The following NUBPL variants were observed in gnomAD, a reference collection of about 807,000 sequenced individuals.
NUBPL encodes NUBP iron-sulfur cluster assembly factor, mitochondrial.
In NUBPL, 31 loss-of-function variants were observed where a neutral mutation model predicts 45.7. That is an observed-to-expected ratio of 0.68 (90% CI 0.51 to 0.92). The LOEUF is 0.92. NUBPL is among the 40% of genes least tolerant of loss of function. The pLI, the probability that NUBPL is intolerant of heterozygous loss-of-function variation, is 0.00. For missense variants in NUBPL, 401 were observed against 398.7 expected, an observed-to-expected ratio of 1.01 and a Z score of -0.05; for synonymous variants, 144 against 140.9, an observed-to-expected ratio of 1.02 and a Z score of -0.15.
chr14:31,800,066 C>T (rs1323068632), intron 7 of NUBPL, among the ~76,000 whole-genome samples: 3 of 152,152 alleles, frequency 2.0e-5, no homozygotes, highest in African/African-American at 7.2e-5. Flanking sequence ...AAACCACTTT[C>T]TTTGCTAATT....
intron 8 of NUBPL, among the ~76,000 whole-genome samples, chr14:31,833,334 A>G (rs1055768588): frequency 2.0e-5 from 3 of 151,846 alleles, no homozygotes; most frequent in African/African-American, 7.3e-5. Context: ...ATGTCAGTAC[A>G]CTCCAGCCTG....
chr14:31,739,663 C>G (rs1317349236), intron 6 of NUBPL, among the ~76,000 whole-genome samples: 1 of 152,152 alleles, frequency 6.6e-6, no homozygotes, highest in African/African-American at 2.4e-5. Flanking sequence ...ATTGACACAT[C>G]TTTATCACCC....
intron 6 of NUBPL, among the ~76,000 whole-genome samples, chr14:31,737,637 A>C (rs1274485201): frequency 6.6e-6 from 1 of 152,136 alleles, no homozygotes; most frequent in Non-Finnish European, 1.5e-5. Context: ...AAAAAAAATT[A>C]GCCGGGCATG....
chr14:31,809,083 T>TC (rs1566574251), intron 7 of NUBPL, among the ~76,000 whole-genome samples: 1 of 151,900 alleles, frequency 6.6e-6, no homozygotes, highest in Non-Finnish European at 1.5e-5. Flanking sequence ...ATTCTCTTTT[T>TC]TTGTTTTGTC....
intron 6 of NUBPL, among the ~76,000 whole-genome samples, chr14:31,740,323 A>G (rs2139997366): frequency 6.6e-6 from 1 of 152,290 alleles, no homozygotes; most frequent in Middle Eastern, 3.4e-3. Flanking sequence ...TGGTGGTGTC[A>G]GTATTCTGGA....
At chr14:31,787,734 A>C in intron 6 of NUBPL, 46 bp from the exon 7 acceptor site, 1 of 1,256,004 alleles carries the variant, frequency 8.0e-7, no homozygotes. Context: ...ATCACTATTC[A>C]ACATTGAATT....
chr14:31,704,626 G>T lies in NUBPL; in HGVS notation c.513+31052G>T, dbSNP rs568736145. On this transcript the variant is annotated intron_variant, in intron 6 of 10. Coordinates refer to ENST00000281081, the MANE Select transcript of NUBPL (RefSeq NM_025152.3). ...TGCTGTGAGCCAAGATCATGCCACT[G>T]CACTCCAGCTCTAGGCAACAAGAGC... Among the ~76,000 whole-genome samples, 18 of 151,918 alleles carry T rather than the reference G, an allele frequency of 1.2e-4. No individual in the cohort carries two copies. In the East Asian group the frequency reaches 2.1e-3, roughly 18 times the overall value.
intron 6 of NUBPL, among the ~76,000 whole-genome samples, chr14:31,675,000 G>A (rs966234043): frequency 6.6e-6 from 1 of 152,042 alleles, no homozygotes; most frequent in African/African-American, 2.4e-5. Flanking sequence ...AGCCCTGCTT[G>A]GTGGCGGGTG....
rs529203535 is a variant in NUBPL, at chr14:31,705,902, C to T, written c.513+32328C>T. On this transcript the variant is annotated intron_variant, in intron 6 of 10. Transcript: ENST00000281081. ...TGGCCATGCCCAGTGCAGGGCCTGC[C>T]GAGCCTGTGCTCACCTGGAACCCGC... Among the ~76,000 whole-genome samples, 140 of 152,274 alleles carry T rather than the reference C, an allele frequency of 9.2e-4. 1 individual carries two copies. Among genetic ancestry groups the T allele is most frequent in the Admixed American group, 1.6e-3 (24 of 15,302 alleles).
At position 31,793,830 on chromosome 14, in the gene NUBPL, T is replaced by TTTTA. The variant is rs992868777; in HGVS notation, c.607+5960_607+5961insATTT. 6.1e-5 allele frequency among the ~76,000 whole-genome samples: 8 copies of TTTTA among 131,632 alleles called. 1 individual carries two copies. Among genetic ancestry groups the TTTTA allele is most frequent in the African/African-American group, 1.6e-4 (4 of 24,816 alleles). The allele number at this position is 131,632 out of a possible 152,430, so 86.4% of individuals were successfully genotyped here. A position where few individuals can be genotyped will look rare whatever the true frequency, so the allele number is the denominator to read the frequency against. ...AGGATTTGTGCCCCCTTATCTTTCT[T>TTTTA]TTTTTTTTTTATTTTTTTTTTTATT... On this transcript the variant is annotated intron_variant, in intron 7 of 10. Coordinates refer to ENST00000281081, the MANE Select transcript of NUBPL (RefSeq NM_025152.3).
chr14:31,855,967 C>A (rs1407283791), intron 10 of NUBPL, among the ~76,000 whole-genome samples: 1 of 152,130 alleles, frequency 6.6e-6, no homozygotes, highest in African/African-American at 2.4e-5. Context: ...TAACACTTGG[C>A]AAATATTAAG....
intron 4 of NUBPL, among the ~76,000 whole-genome samples, chr14:31,603,291 T>G (rs1595354239): frequency 1.1e-5 from 1 of 95,118 alleles, no homozygotes; most frequent in African/African-American, 4.4e-5. Flanking sequence ...CAAAGCAAGA[T>G]CCTGTCTGAA....
intron 9 of NUBPL, among the ~76,000 whole-genome samples, chr14:31,847,690 A>G (rs1374465992): frequency 1.3e-5 from 2 of 152,228 alleles, no homozygotes; most frequent in East Asian, 3.8e-4. Flanking sequence ...GTTAAAAATT[A>G]AGATCCCTAG....
At chr14:31,816,949 A>T (rs2039929702) in intron 7 of NUBPL, among the ~76,000 whole-genome samples, 1 of 152,040 alleles carries the variant, frequency 6.6e-6, no homozygotes, top group South Asian at 2.1e-4. Context: ...TTTACTTCCA[A>T]CTGCTAACTA....
chr14:31,721,221 T>C (rs1295727797), intron 6 of NUBPL, among the ~76,000 whole-genome samples: 1 of 152,206 alleles, frequency 6.6e-6, no homozygotes, highest in Non-Finnish European at 1.5e-5. Flanking sequence ...TCTCTGATGA[T>C]TTTACTATCT....
intron 4 of NUBPL, among the ~76,000 whole-genome samples, chr14:31,664,660 C>T (rs1361564947): frequency 5.3e-5 from 8 of 152,176 alleles, no homozygotes; most frequent in Non-Finnish European, 8.8e-5. Flanking sequence ...AGGATTTTCA[C>T]ATCGATGTTC....
chr14:31,626,016 T>C (rs1039072810), intron 4 of NUBPL, among the ~76,000 whole-genome samples: 1 of 152,196 alleles, frequency 6.6e-6, no homozygotes, highest in Admixed American at 6.5e-5. Flanking sequence ...GTTTATCTTT[T>C]TAATTTTGAT....
At chr14:31,593,539 A>T (rs972177820) in intron 3 of NUBPL, among the ~76,000 whole-genome samples, 27 of 133,886 alleles carry the variant, frequency 2.0e-4, no homozygotes, top group African/African-American at 5.8e-4. Flanking sequence ...AAAAAAAAAG[A>T]GTGAGGGTTT....
At chr14:31,636,393 T>G (rs2035500161) in intron 4 of NUBPL, among the ~76,000 whole-genome samples, 1 of 152,216 alleles carries the variant, frequency 6.6e-6, no homozygotes, top group African/African-American at 2.4e-5. Flanking sequence ...TGGATTACAT[T>G]TATTGATTTG....
Sources: gnomAD v4.1 joint callset for allele counts (sites outside exome capture counted in the v4.1 genomes callset) on GRCh38, gnomAD v4.1.1 for gene constraint, MANE v1.5 for transcripts, NCBI Gene and HGNC (gene_info 2026-07-23, HGNC 2026-07-21) for gene names.